Variants in DTL observed in about 807,000 individuals in gnomAD.
DTL encodes denticleless protein homolog.
DTL carries 46 observed loss-of-function variants against 87.0 expected under a neutral mutation model. The ratio of observed to expected loss-of-function variants is 0.53; its 90% CI spans 0.42 to 0.68. DTL has a LOEUF of 0.68. DTL is among the 30% of genes least tolerant of loss of function. The pLI is 0.00. For synonymous variants in DTL, 308 were observed against 311.2 expected, an observed-to-expected ratio of 0.99 and a Z score of 0.11; for missense variants, 737 against 869.4, an observed-to-expected ratio of 0.85 and a Z score of 1.91.
chr1:212,052,592 G>A lies in DTL; in HGVS notation c.460+5175G>A, dbSNP rs541829233. On this transcript the variant is annotated intron_variant, in intron 5 of 14. Coordinates refer to ENST00000366991, the MANE Select transcript of DTL (RefSeq NM_016448.4). Reference sequence around the variant, plus strand: ...GCGGAGGTTGCAGTTAGCTGAGATCGCACCACTGCACTCCACACTCCAGCC... The same window carrying A: ...GCGGAGGTTGCAGTTAGCTGAGATCACACCACTGCACTCCACACTCCAGCC... 1.4e-4 allele frequency among the ~76,000 whole-genome samples: 20 copies of A among 143,014 alleles called. No homozygotes were observed. In the South Asian group the frequency reaches 3.9e-3, roughly 28 times the overall value. 93.8% of individuals were successfully genotyped at this position (143,014 alleles called of 152,430 possible). A position where few individuals can be genotyped will look rare whatever the true frequency, so the allele number is the denominator to read the frequency against.
intron 5 of DTL, among the ~76,000 whole-genome samples, chr1:212,060,910 G>C (rs185309171): frequency 9.2e-5 from 14 of 152,004 alleles, no homozygotes; most frequent in Non-Finnish European, 2.1e-4. Context: ...AGATAAACTA[G>C]ACTATACTAA....
intron 6 of DTL, 81 bp downstream of exon 6, chr1:212,063,030 C>A: frequency 9.5e-7 from 1 of 1,050,416 alleles, no homozygotes; most frequent in Non-Finnish European, 1.5e-6. Context: ...GTGATTTCAT[C>A]TGATTACCAC....
At position 212,062,951 on chromosome 1, in the gene DTL, TTATC is replaced by T. The variant is rs757623929; in HGVS notation, c.526+5_526+8del. On this transcript the variant is annotated splice_donor_5th_base_variant and intron_variant, in intron 6 of 14. Transcript: ENST00000366991. ...GGGATACCAGGTGCAACAAAAAAGG[TTATC>T]TAGATCTATTTTAATTTTGAGAGAT... 2 of 1,608,926 alleles carry T rather than the reference TTATC, an allele frequency of 1.2e-6. No homozygotes were observed. The highest frequency in any genetic ancestry group is 4.5e-5 in the East Asian group (2 of 44,810).
chr1:212,046,941 T>G (rs1350099956), intron 3 of DTL, among the ~76,000 whole-genome samples: 2 of 152,204 alleles, frequency 1.3e-5, no homozygotes, highest in East Asian at 1.9e-4. Flanking sequence ...TCCGCAGCCT[T>G]GCCAGCATCT....
Position 212,035,955 on chromosome 1 carries a change from C to G in DTL, c.52+13C>G. 9 of 1,613,516 alleles carry G rather than the reference C, an allele frequency of 5.6e-6. No individual in the cohort carries two copies. The highest frequency in any genetic ancestry group is 2.2e-5 in the East Asian group (1 of 44,874). On this transcript the variant is annotated intron_variant, in intron 1 of 14. Coordinates refer to ENST00000366991, the MANE Select transcript of DTL (RefSeq NM_016448.4). The stretch of plus-strand genomic sequence containing the variant: ...GTCCTGAGAAATGGTGAGTAACGGT[C>G]CCAACCGCTGCTCGGAGCTGGCGGA...
intron 13 of DTL, among the ~76,000 whole-genome samples, chr1:212,087,640 T>C (rs2102574785): frequency 6.6e-6 from 1 of 152,048 alleles, no homozygotes; most frequent in East Asian, 1.9e-4. Context: ...TTCTGGGTGA[T>C]GCTAGGGTTA....
intron 13 of DTL, among the ~76,000 whole-genome samples, chr1:212,092,182 C>T (rs1655304121): frequency 1.3e-5 from 2 of 152,158 alleles, no homozygotes; most frequent in African/African-American, 4.8e-5. Context: ...AGCTTAGCTC[C>T]CACTTATAAG....
chr1:212,058,879 C>A lies in DTL; in HGVS notation c.461-4005C>A, dbSNP rs1467163404. On this transcript the variant is annotated intron_variant, in intron 5 of 14. Transcript: ENST00000366991. ...CATTGCAACTGATAATACAGAAATA[C>A]AAAAGATCATCAGAAACTATTGTGT... Among the ~76,000 whole-genome samples, 7 of 151,764 alleles carry A rather than the reference C, an allele frequency of 4.6e-5. No homozygotes were observed. In the South Asian group the frequency reaches 6.2e-4, roughly 14 times the overall value.
chr1:212,087,087 A>T (rs1655152159), intron 13 of DTL, among the ~76,000 whole-genome samples: 1 of 152,210 alleles, frequency 6.6e-6, no homozygotes, highest in African/African-American at 2.4e-5. Context: ...ACCTACTTGG[A>T]TTATCTCATT....
At chr1:212,068,445 A>G in intron 9 of DTL, 118 bp downstream of exon 9, 1 of 850,758 alleles carries the variant, frequency 1.2e-6, no homozygotes, top group East Asian at 2.6e-5. Context: ...TCAAAAGATA[A>G]AAACTCAGAA....
chr1:212,075,468 T>C (rs959501227), intron 11 of DTL, among the ~76,000 whole-genome samples: 2 of 152,138 alleles, frequency 1.3e-5, no homozygotes, highest in Non-Finnish European at 2.9e-5. Context: ...AAAAATGAAG[T>C]TACGTAATTA....
intron 5 of DTL, among the ~76,000 whole-genome samples, chr1:212,057,018 A>C (rs973833752): frequency 2.0e-5 from 3 of 152,190 alleles, no homozygotes; most frequent in Non-Finnish European, 2.9e-5. Context: ...AAGTGGCCAA[A>C]TATATGAATT....
rs911011569 is a variant in DTL, at chr1:212,080,066, T to C, written c.1126-549T>C. 3.3e-5 allele frequency among the ~76,000 whole-genome samples: 5 copies of C among 152,184 alleles called. 1 individual carries two copies. Among genetic ancestry groups the C allele is most frequent in the Admixed American group, 1.3e-4 (2 of 15,280 alleles). On this transcript the variant is annotated intron_variant, in intron 12 of 14. Coordinates refer to ENST00000366991, the MANE Select transcript of DTL (RefSeq NM_016448.4). ...TTTAACTTCTTTCAGCCTAGGGAAC[T>C]TGTTGTTTTCCCAGATTGCTCCTCT...
intron 11 of DTL, among the ~76,000 whole-genome samples, chr1:212,076,260 A>G (rs550319752): frequency 1.3e-5 from 2 of 152,290 alleles, no homozygotes; most frequent in Non-Finnish European, 2.9e-5. Context: ...TTGCTGGGTC[A>G]TATAATTGTT....
intron 3 of DTL, among the ~76,000 whole-genome samples, chr1:212,046,209 G>A (rs1309715132): frequency 6.6e-6 from 1 of 152,200 alleles, no homozygotes; most frequent in African/African-American, 2.4e-5. Context: ...AAGGGAATGT[G>A]TAATTTCTGT....
intron 12 of DTL, among the ~76,000 whole-genome samples, chr1:212,079,720 G>A (rs1243408155): frequency 4.6e-5 from 7 of 152,130 alleles, no homozygotes; most frequent in Admixed American, 3.3e-4. Context: ...AATAACTATT[G>A]TTAATAAACT....
chr1:212,073,845 A>G (rs932200347), intron 11 of DTL, among the ~76,000 whole-genome samples: 3 of 152,026 alleles, frequency 2.0e-5, no homozygotes, highest in Non-Finnish European at 2.9e-5. Context: ...AAGTTTAACA[A>G]TGTTATGTCG....
intron 13 of DTL, among the ~76,000 whole-genome samples, chr1:212,081,508 T>G (rs1654990040): frequency 6.6e-6 from 1 of 152,220 alleles, no homozygotes; most frequent in Non-Finnish European, 1.5e-5. Context: ...TAATTTGACT[T>G]TTAACTTGAT....
intron 12 of DTL, among the ~76,000 whole-genome samples, chr1:212,078,881 T>C (rs1654910727): frequency 6.6e-6 from 1 of 152,176 alleles, no homozygotes; most frequent in South Asian, 2.1e-4. Flanking sequence ...GAATTGCATA[T>C]AATAGTAGCT....
Sources: gnomAD v4.1 joint callset for allele counts (sites outside exome capture counted in the v4.1 genomes callset) on GRCh38, gnomAD v4.1.1 for gene constraint, MANE v1.5 for transcripts, NCBI Gene and HGNC (gene_info 2026-07-23, HGNC 2026-07-21) for gene names.